The following SMAP1 variants were observed in gnomAD, a reference collection of about 807,000 sequenced individuals.
The protein encoded by SMAP1 is stromal membrane-associated protein 1.
Under a neutral mutation model 58.5 loss-of-function variants are expected in SMAP1, and 24 were observed. That is an observed-to-expected ratio of 0.41 (90% CI 0.30 to 0.58). The LOEUF (loss-of-function observed/expected upper bound fraction) is 0.58. Ranked by LOEUF, SMAP1 falls within the 20% of genes least tolerant of loss-of-function variation. The pLI, the probability that SMAP1 is intolerant of heterozygous loss-of-function variation, is 0.29. For synonymous variants in SMAP1, 216 were observed against 196.6 expected (o/e 1.10, Z -0.82); for missense variants, 563 against 566.3 (o/e 0.99, Z 0.06).
intron 2 of SMAP1, among the ~76,000 whole-genome samples, chr6:70,750,148 G>A (rs1766215283): frequency 6.6e-6 from 1 of 152,046 alleles, no homozygotes; most frequent in African/African-American, 2.4e-5. Flanking sequence ...TTTATTTCAA[G>A]GTTCTGTTTT....
chr6:70,807,228 T>A (rs1362265674), intron 6 of SMAP1, among the ~76,000 whole-genome samples: 1 of 152,232 alleles, frequency 6.6e-6, no homozygotes, highest in East Asian at 1.9e-4. Context: ...TATACCTAAG[T>A]CTCATTGAGG....
At chr6:70,683,730 A>G (rs1010743312) in intron 1 of SMAP1, among the ~76,000 whole-genome samples, 9 of 152,286 alleles carry the variant, frequency 5.9e-5, no homozygotes, top group East Asian at 1.9e-4. Flanking sequence ...ATCTATATCT[A>G]TATATTTTTC....
chr6:70,803,367 C>T (rs754584267), intron 6 of SMAP1, among the ~76,000 whole-genome samples: 4 of 151,900 alleles, frequency 2.6e-5, no homozygotes, highest in Admixed American at 6.6e-5. Context: ...TTTTTTATTG[C>T]GTCTATTTGA....
At chr6:70,758,698 A>G (rs1479586280) in intron 3 of SMAP1, among the ~76,000 whole-genome samples, 1 of 152,044 alleles carries the variant, frequency 6.6e-6, no homozygotes, top group Non-Finnish European at 1.5e-5. Flanking sequence ...AATCTAAGTT[A>G]GATAGTGGCA....
intron 1 of SMAP1, chr6:70,668,440 G>A: frequency 7.6e-7 from 1 of 1,307,690 alleles, no homozygotes; most frequent in Non-Finnish European, 1.0e-6. Context: ...CAGGGCTGGG[G>A]GTAGGAGCGA....
At chr6:70,693,321 TTA>T (rs1491450405) in intron 1 of SMAP1, among the ~76,000 whole-genome samples, 3 of 118,738 alleles carry the variant, frequency 2.5e-5, no homozygotes, top group African/African-American at 9.6e-5. Context: ...TTTTTTTTTT[TTA>T]AGACAGAGTC....
chr6:70,684,614 T>C (rs1766857107), intron 1 of SMAP1, among the ~76,000 whole-genome samples: 1 of 152,202 alleles, frequency 6.6e-6, no homozygotes, highest in Admixed American at 6.5e-5. Context: ...ATTTAAAAAA[T>C]TTCAGGGGAG....
intron 1 of SMAP1, among the ~76,000 whole-genome samples, chr6:70,674,164 G>A (rs759145321): frequency 4.6e-5 from 7 of 150,828 alleles, no homozygotes; most frequent in African/African-American, 7.3e-5. Flanking sequence ...CTCTGTCGCT[G>A]GGCTGGAGTG....
chr6:70,818,184 A>AC (rs1196135180), intron 6 of SMAP1, among the ~76,000 whole-genome samples: 2 of 151,766 alleles, frequency 1.3e-5, no homozygotes, highest in African/African-American at 4.8e-5. Flanking sequence ...ACCTGAGGTC[A>AC]GGAGTTCGAG....
At chr6:70,811,775 A>T (rs1042879558) in intron 6 of SMAP1, among the ~76,000 whole-genome samples, 3 of 152,156 alleles carry the variant, frequency 2.0e-5, no homozygotes, top group Non-Finnish European at 1.5e-5. Context: ...GGCAAATTCA[A>T]GTTTTGCTTT....
chr6:70,840,636 C>T (rs187531030), intron 7 of SMAP1, among the ~76,000 whole-genome samples: 1 of 152,304 alleles, frequency 6.6e-6, no homozygotes, highest in East Asian at 1.9e-4. Flanking sequence ...TTGCTCACCC[C>T]TGCTTTATGT....
intron 3 of SMAP1, among the ~76,000 whole-genome samples, chr6:70,767,294 G>T (rs893068532): frequency 6.6e-6 from 1 of 151,812 alleles, no homozygotes; most frequent in Non-Finnish European, 1.5e-5. Context: ...AAAGTCATTG[G>T]TAGCTTGATG....
At chr6:70,740,101 T>TA (rs1468863655) in intron 2 of SMAP1, among the ~76,000 whole-genome samples, 6 of 152,206 alleles carry the variant, frequency 3.9e-5, no homozygotes, top group African/African-American at 7.2e-5. Context: ...CTATTATTCT[T>TA]ACTCCTTTTA....
intron 1 of SMAP1, among the ~76,000 whole-genome samples, chr6:70,679,559 A>G (rs1054892799): frequency 5.3e-5 from 8 of 152,300 alleles, no homozygotes; most frequent in African/African-American, 1.9e-4. Context: ...GTGACTATAG[A>G]AAAAGTAACT....
chr6:70,687,734 A>G (rs1204503543), intron 1 of SMAP1, among the ~76,000 whole-genome samples: 1 of 152,148 alleles, frequency 6.6e-6, no homozygotes. Context: ...ATTATAGACA[A>G]ATGTCACAAC....
intron 6 of SMAP1, 110 bp downstream of exon 6, chr6:70,798,847 A>G (rs1001511537): frequency 1.1e-6 from 1 of 915,938 alleles, no homozygotes; most frequent in Non-Finnish European, 1.6e-6. Context: ...ATTATTTTCA[A>G]CAAGCAATTG....
intron 1 of SMAP1, among the ~76,000 whole-genome samples, chr6:70,730,763 C>G (rs1765398159): frequency 6.6e-6 from 1 of 152,110 alleles, no homozygotes; most frequent in Non-Finnish European, 1.5e-5. Context: ...ACAGCATGTA[C>G]TTAAAACAGA....
chr6:70,681,110 A>AT (rs1378019419), intron 1 of SMAP1, among the ~76,000 whole-genome samples: 6 of 112,446 alleles, frequency 5.3e-5, no homozygotes, highest in Middle Eastern at 4.1e-3. Context: ...GAGGGAGTTT[A>AT]TTTAAAAAAA....
At position 70,861,781 on chromosome 6, in the gene SMAP1, A is replaced by G; in HGVS notation, c.*1447A>G. 2 of 1,613,810 alleles carry G rather than the reference A, an allele frequency of 1.2e-6. No individual in the cohort carries two copies. ...GGGAAGGAAATAGCTTGGGTAGCGC[A>G]CTCTTCATGGTGACACTCGAGGTCG... On this transcript the variant is annotated 3_prime_UTR_variant, in exon 11 of 11. Transcript: ENST00000370455.
Sources: gnomAD v4.1 joint callset for allele counts (sites outside exome capture counted in the v4.1 genomes callset) on GRCh38, gnomAD v4.1.1 for gene constraint, MANE v1.5 for transcripts, NCBI Gene and HGNC (gene_info 2026-07-23, HGNC 2026-07-21) for gene names.